Variants in RBMS3 observed in about 807,000 individuals in gnomAD.
The protein encoded by RBMS3 is RNA-binding motif, single-stranded-interacting protein 3.
A neutral mutation model predicts 66.8 loss-of-function variants in RBMS3; 27 were observed. That is an observed-to-expected ratio of 0.40 (90% CI 0.30 to 0.56). The LOEUF is 0.56. Among genes scored for constraint, RBMS3 ranks in the 20% least tolerant of loss-of-function variants. The pLI is 0.40. For missense variants in RBMS3, 513 were observed against 549.5 expected, an observed-to-expected ratio of 0.93 and a Z score of 0.66; for synonymous variants, 188 against 183.0, an observed-to-expected ratio of 1.03 and a Z score of -0.22.
At chr3:29,522,646 A>T (rs34742917) in intron 3 of RBMS3, among the ~76,000 whole-genome samples, 7,113 of 152,256 alleles carry the variant, frequency 0.047, 217 homozygotes, top group South Asian at 0.1. Flanking sequence ...CAGGGCTGCC[A>T]GGTGGGAGTT....
Position 29,281,620 on chromosome 3 carries a change from C to A in RBMS3, c.-62C>A. Reference sequence around the variant, plus strand: ...AGGAATAGTGGTTTAAGAGGAAGCTCGGCCTGGGGCACTATACCCTGTCAT... The same window carrying A: ...AGGAATAGTGGTTTAAGAGGAAGCTAGGCCTGGGGCACTATACCCTGTCAT... On this transcript the variant is annotated 5_prime_UTR_variant, in exon 1 of 15. Transcript: ENST00000383767. 7.2e-7 allele frequency: 1 copy of A among 1,394,546 alleles called. No homozygotes were observed. The highest frequency in any genetic ancestry group is 1.0e-6 in the Non-Finnish European group (1 of 981,964). 86.4% of individuals were successfully genotyped at this position (1,394,546 alleles called of 1,614,324 possible). A position where few individuals can be genotyped will look rare whatever the true frequency, so the allele number is the denominator to read the frequency against.
intron 1 of RBMS3, among the ~76,000 whole-genome samples, chr3:29,346,569 A>G (rs1334209890): frequency 6.6e-6 from 1 of 151,696 alleles, no homozygotes; most frequent in African/African-American, 2.4e-5. Flanking sequence ...ATGCCCAGCT[A>G]ATTTTTGTAT....
At position 29,703,153 on chromosome 3, in the gene RBMS3, A is replaced by G. The variant is rs566611054; in HGVS notation, c.400-36567A>G. Among the ~76,000 whole-genome samples, 4 of 152,368 alleles carry G rather than the reference A, an allele frequency of 2.6e-5. No individual in the cohort carries two copies. In the South Asian group the frequency reaches 8.3e-4, roughly 32 times the overall value. ...CTTACATTTAAGTACAATGAAACACAGGCATAATTGCATTACATTTCCGAA... is the reference window on the plus strand; with the variant it reads ...CTTACATTTAAGTACAATGAAACACGGGCATAATTGCATTACATTTCCGAA... On this transcript the variant is annotated intron_variant, in intron 4 of 14. Coordinates refer to ENST00000383767, the MANE Select transcript of RBMS3 (RefSeq NM_001003793.3).
At chr3:29,730,716 G>C (rs140898066) in intron 4 of RBMS3, among the ~76,000 whole-genome samples, 2 of 152,102 alleles carry the variant, frequency 1.3e-5, no homozygotes, top group African/African-American at 2.4e-5. Flanking sequence ...ATTAAACTCT[G>C]AGATTTGTTT....
chr3:29,792,272 T>C (rs556224918), intron 6 of RBMS3, among the ~76,000 whole-genome samples: 1 of 152,340 alleles, frequency 6.6e-6, no homozygotes, highest in South Asian at 2.1e-4. Flanking sequence ...CATTCATTTT[T>C]TATTGCCTCA....
chr3:30,004,113 G>GA lies in RBMS3; in HGVS notation c.*260dup, dbSNP rs573004373. On this transcript the variant is annotated 3_prime_UTR_variant, in exon 15 of 15. Coordinates refer to ENST00000383767, the MANE Select transcript of RBMS3 (RefSeq NM_001003793.3). ...ATTAAAGAAAAAATTTCCAGAAGAG[G>GA]AAAAAAAAACTACAAAAAACAAAAC... 3,396 of 305,748 alleles carry GA rather than the reference G, an allele frequency of 0.011. 76 individuals are homozygous for GA. The highest frequency in any genetic ancestry group is 0.059 in the African/African-American group (2,614 of 43,968). 18.9% of individuals were successfully genotyped at this position (305,748 alleles called of 1,614,324 possible).
intron 4 of RBMS3, among the ~76,000 whole-genome samples, chr3:29,728,674 A>G (rs1358438097): frequency 6.6e-6 from 1 of 152,178 alleles, no homozygotes; most frequent in African/African-American, 2.4e-5. Flanking sequence ...ATCACAGTTT[A>G]CCAAAAGTTG....
At chr3:29,631,426 A>G (rs1232975355) in intron 4 of RBMS3, among the ~76,000 whole-genome samples, 1 of 151,906 alleles carries the variant, frequency 6.6e-6, no homozygotes, top group Non-Finnish European at 1.5e-5. Context: ...AATATTCTTG[A>G]GTCATCTGAT....
chr3:29,750,260 G>A (rs1035164905), intron 5 of RBMS3, among the ~76,000 whole-genome samples: 7 of 152,098 alleles, frequency 4.6e-5, no homozygotes, highest in African/African-American at 1.7e-4. Context: ...AAGAATTCTT[G>A]TTGGGATTCT....
intron 12 of RBMS3, among the ~76,000 whole-genome samples, chr3:29,979,037 C>A (rs565931571): frequency 2.0e-5 from 3 of 151,946 alleles, no homozygotes; most frequent in South Asian, 2.1e-4. Context: ...GAGGGTGAGG[C>A]GGGAGGATCA....
chr3:29,333,917 G>A (rs1484045528), intron 1 of RBMS3, among the ~76,000 whole-genome samples: 1 of 152,156 alleles, frequency 6.6e-6, no homozygotes, highest in Non-Finnish European at 1.5e-5. Flanking sequence ...AGAAAATATA[G>A]TAAGACAGAA....
intron 6 of RBMS3, among the ~76,000 whole-genome samples, chr3:29,807,747 G>A (rs1180956412): frequency 7.8e-6 from 1 of 127,840 alleles, no homozygotes; most frequent in Non-Finnish European, 1.8e-5. Flanking sequence ...CAATCTCATT[G>A]TAAAAATAAA....
intron 2 of RBMS3, among the ~76,000 whole-genome samples, chr3:29,438,871 T>TA (rs2041500697): frequency 6.6e-6 from 1 of 152,150 alleles, no homozygotes; most frequent in African/African-American, 2.4e-5. Flanking sequence ...TATGATCTGA[T>TA]AAAAAATTGC....
chr3:29,358,562 G>GT (rs201140952), intron 1 of RBMS3, among the ~76,000 whole-genome samples: 16,708 of 152,038 alleles, frequency 0.11, 1,073 homozygotes, highest in East Asian at 0.22. Context: ...CTTTAAAGTA[G>GT]TTTTTTCCAA....
intron 4 of RBMS3, among the ~76,000 whole-genome samples, chr3:29,729,832 A>C (rs1490494475): frequency 6.6e-6 from 1 of 151,880 alleles, no homozygotes; most frequent in Non-Finnish European, 1.5e-5. Flanking sequence ...CTAAGCAAAA[A>C]GAACAATTGA....
intron 14 of RBMS3, chr3:29,991,687 G>C (rs571203663): frequency 6.6e-6 from 1 of 152,154 alleles, no homozygotes; most frequent in East Asian, 1.9e-4. Context: ...GCTTGATATA[G>C]AGAGAGGCAC....
At chr3:29,591,892 G>A in intron 4 of RBMS3, among the ~76,000 whole-genome samples, 1 of 152,024 alleles carries the variant, frequency 6.6e-6, no homozygotes, top group East Asian at 1.9e-4. Context: ...GTTCCCAAAG[G>A]TGATTCATTT....
intron 6 of RBMS3, among the ~76,000 whole-genome samples, chr3:29,857,576 A>T (rs1211144047): frequency 6.6e-6 from 1 of 150,728 alleles, no homozygotes; most frequent in African/African-American, 2.4e-5. Context: ...AAAAAAAAAA[A>T]AAGGTTGTGC....
intron 7 of RBMS3, among the ~76,000 whole-genome samples, chr3:29,869,895 A>G (rs1186433529): frequency 6.6e-6 from 1 of 152,182 alleles, no homozygotes; most frequent in African/African-American, 2.4e-5. Flanking sequence ...TACACTTTCA[A>G]TACTGACAGA....
Sources: gnomAD v4.1 joint callset for allele counts (sites outside exome capture counted in the v4.1 genomes callset) on GRCh38, gnomAD v4.1.1 for gene constraint, MANE v1.5 for transcripts, NCBI Gene and HGNC (gene_info 2026-07-23, HGNC 2026-07-21) for gene names.